The following PCDHGA5 variants were observed in gnomAD, a reference collection of about 807,000 sequenced individuals.
PCDHGA5 encodes protocadherin gamma subfamily A, 5, also known as protocadherin gamma-A5.
Under a neutral mutation model 56.7 loss-of-function variants are expected in PCDHGA5, and 36 were observed. That is an observed-to-expected ratio of 0.64 (90% CI 0.49 to 0.84). The LOEUF (loss-of-function observed/expected upper bound fraction) is 0.84. Ranked by LOEUF, PCDHGA5 falls within the 40% of genes least tolerant of loss-of-function variation. The pLI is 0.00. For synonymous variants in PCDHGA5, 563 were observed against 520.2 expected, an observed-to-expected ratio of 1.08 and a Z score of -1.12; for missense variants, 1,305 against 1,201.5, an observed-to-expected ratio of 1.09 and a Z score of -1.27.
At chr5:141,497,079 C>T (rs564690352) in intron 2 of PCDHGA5, among the ~76,000 whole-genome samples, 2 of 151,982 alleles carry the variant, frequency 1.3e-5, no homozygotes, top group African/African-American at 4.8e-5. Flanking sequence ...ATCCCAGCGA[C>T]TTAGGAGGCT....
chr5:141,393,789 G>T (rs889575374), intron 1 of PCDHGA5: 1 of 1,613,958 alleles, frequency 6.2e-7, no homozygotes, highest in African/African-American at 1.3e-5. Context: ...AGATGTGGGG[G>T]CACTTCTGGG....
intron 2 of PCDHGA5, among the ~76,000 whole-genome samples, chr5:141,501,334 C>T (rs1462003251): frequency 6.9e-6 from 1 of 145,376 alleles, no homozygotes; most frequent in Non-Finnish European, 1.5e-5. Context: ...CACACACACA[C>T]CCCAAACTCA....
chr5:141,431,681 G>A lies in PCDHGA5; in HGVS notation c.2422-63126G>A. The A allele has an allele frequency of 6.2e-7, 1 of 1,614,214 alleles. No homozygotes were observed. The highest frequency in any genetic ancestry group is 1.1e-5 in the South Asian group (1 of 91,086). ...GACAATATCAACAATAGGGGAGTTG[G>A]ACCACGAGGAGTCAGGATTCTACCA... On this transcript the variant is annotated intron_variant, in intron 1 of 3. Coordinates refer to ENST00000518069, the MANE Select transcript of PCDHGA5 (RefSeq NM_018918.3). This position sits in a 1 kb window ranked among gnomAD's most constrained non-coding sequence, Gnocchi z 4.8.
At chr5:141,374,701 C>G (rs781441820) in intron 1 of PCDHGA5, 1 of 1,608,844 alleles carries the variant, frequency 6.2e-7, no homozygotes, top group Non-Finnish European at 8.5e-7. Flanking sequence ...AAGGAGAAGC[C>G]GTTTACCGCC....
At chr5:141,404,360 TC>T (rs780435528) in intron 1 of PCDHGA5, 1 of 1,613,900 alleles carries the variant, frequency 6.2e-7, no homozygotes. Context: ...CAGAGGTACT[TC>T]CATCTTCTCC....
chr5:141,365,968 G>A lies in PCDHGA5; in HGVS notation c.1638G>A (p.Val546=), dbSNP rs1764235643. The A allele has an allele frequency of 6.2e-6, 10 of 1,614,258 alleles. No individual in the cohort carries two copies. Among genetic ancestry groups the A allele is most frequent in the African/African-American group, 1.3e-5 (1 of 75,076 alleles). ...DSGNPPLSSN[V]SLSLFVLDQN... is the part of the protein sequence containing the mutation. ...GGAACCCTCCACTTAGCAGCAACGT[G>A]TCGCTGAGCCTGTTTGTGCTGGACC... Residue 546 remains valine (V), a synonymous_variant, in exon 1 of 4, where the codon GTG becomes GTA. Coordinates refer to ENST00000518069, the MANE Select transcript of PCDHGA5 (RefSeq NM_018918.3).
chr5:141,491,496 C>T lies in PCDHGA5; in HGVS notation c.2422-3311C>T, dbSNP rs372523924. ...AGTCCAGCCCCAACCTGCAGGTGAG[C>T]TCGGACGGCACGCTCAAGTACATGG... On this transcript the variant is annotated intron_variant, in intron 1 of 3. Transcript: ENST00000518069. This position sits in a 1 kb window ranked among gnomAD's most constrained non-coding sequence, Gnocchi z 6.9. 2.9e-5 allele frequency: 47 copies of T among 1,614,004 alleles called. No individual in the cohort carries two copies. Among genetic ancestry groups the T allele is most frequent in the Non-Finnish European group, 3.7e-5 (44 of 1,180,026 alleles).
chr5:141,369,695 A>C (rs1418423845), intron 1 of PCDHGA5, among the ~76,000 whole-genome samples: 3 of 152,228 alleles, frequency 2.0e-5, no homozygotes, highest in African/African-American at 4.8e-5. Flanking sequence ...ATAAAACTAA[A>C]AGCTATGACA....
intron 1 of PCDHGA5, among the ~76,000 whole-genome samples, chr5:141,454,730 A>C (rs2098797371): frequency 6.7e-6 from 1 of 150,092 alleles, no homozygotes; most frequent in Admixed American, 6.7e-5. Context: ...TATATGTTAT[A>C]GGATGAAAAG....
chr5:141,450,675 CG>C (rs2098689980), intron 1 of PCDHGA5, among the ~76,000 whole-genome samples: 1 of 151,614 alleles, frequency 6.6e-6, no homozygotes, highest in Non-Finnish European at 1.5e-5. Flanking sequence ...TTAGTAGAAA[CG>C]GGGTTTTGCC....
chr5:141,509,421 A>T (rs939726886), intron 3 of PCDHGA5, among the ~76,000 whole-genome samples: 5 of 152,088 alleles, frequency 3.3e-5, no homozygotes, highest in Non-Finnish European at 1.5e-5. Context: ...AGCCCCAATG[A>T]GTCAAACTCT....
chr5:141,398,931 C>T, intron 1 of PCDHGA5: 2 of 1,613,956 alleles, frequency 1.2e-6, no homozygotes, highest in East Asian at 4.5e-5. Context: ...CAGCCACTGA[C>T]CAAGACGAGG....
At chr5:141,374,003 C>T (rs1160076904) in intron 1 of PCDHGA5, 2 of 1,320,324 alleles carry the variant, frequency 1.5e-6, no homozygotes, top group African/African-American at 3.0e-5. Flanking sequence ...GGACCTTCAC[C>T]GCTATTTCTG....
At chr5:141,440,912 G>A (rs1281398967) in intron 1 of PCDHGA5, 1 of 152,254 alleles carries the variant, frequency 6.6e-6, no homozygotes, top group African/African-American at 2.4e-5. Context: ...GGGCACTCCT[G>A]TGCTGAGAGT....
At chr5:141,384,568 G>A (rs1780218340) in intron 1 of PCDHGA5, 1 of 1,614,118 alleles carries the variant, frequency 6.2e-7, no homozygotes, top group Non-Finnish European at 8.5e-7. Context: ...GGACCAGAAT[G>A]ACAACCCGCC....
Position 141,477,167 on chromosome 5 carries a change from G to C in PCDHGA5, c.2422-17640G>C. The C allele has an allele frequency of 6.2e-7, 1 of 1,614,166 alleles. No individual in the cohort carries two copies. Among genetic ancestry groups the C allele is most frequent in the South Asian group, 1.1e-5 (1 of 91,076 alleles). ...TGTGGATGTGAATGACAACGCCCCG[G>C]AGATCACAGTCACCTCCGTGTACAG... On this transcript the variant is annotated intron_variant, in intron 1 of 3. Coordinates refer to ENST00000518069, the MANE Select transcript of PCDHGA5 (RefSeq NM_018918.3). The surrounding 1 kb of genome is among the most constrained non-coding windows in gnomAD (Gnocchi z 4.9).
At chr5:141,378,050 A>C (rs1339661342) in intron 1 of PCDHGA5, 2 of 152,190 alleles carry the variant, frequency 1.3e-5, no homozygotes, top group Admixed American at 1.3e-4. Context: ...TTCCTTATCT[A>C]TCTGACTCAA....
intron 1 of PCDHGA5, among the ~76,000 whole-genome samples, chr5:141,452,575 T>A (rs1386847800): frequency 6.6e-6 from 1 of 152,192 alleles, no homozygotes; most frequent in Non-Finnish European, 1.5e-5. Flanking sequence ...CCTTCCCCCT[T>A]TCCATCTTTG....
chr5:141,509,447 C>T (rs898280593), intron 3 of PCDHGA5, among the ~76,000 whole-genome samples: 2 of 152,128 alleles, frequency 1.3e-5, no homozygotes, highest in Admixed American at 6.5e-5. Context: ...CCTCCTCTCC[C>T]ACCCCCGACC....
Sources: gnomAD v4.1 joint callset for allele counts (sites outside exome capture counted in the v4.1 genomes callset) on GRCh38, gnomAD v4.1.1 for gene constraint, Gnocchi (gnomAD v3.1) non-coding constraint, MANE v1.5 for transcripts, NCBI Gene and HGNC (gene_info 2026-07-23, HGNC 2026-07-21) for gene names.